Variants in PCNX2 observed in about 807,000 individuals in gnomAD.
PCNX2 encodes pecanex-like protein 2.
PCNX2 carries 168 observed loss-of-function variants against 223.8 expected under a neutral mutation model. The observed-to-expected ratio is 0.75, with a 90% CI of 0.66 to 0.85. The LOEUF (loss-of-function observed/expected upper bound fraction) is 0.85, where lower values mean the gene tolerates loss of function less well. Among genes scored for constraint, PCNX2 ranks in the 40% least tolerant of loss-of-function variants. PCNX2 has a pLI of 0.00. For missense variants in PCNX2, 2,507 were observed against 2,675.5 expected, an observed-to-expected ratio of 0.94 and a Z score of 1.39; for synonymous variants, 1,006 against 1,052.6, an observed-to-expected ratio of 0.96 and a Z score of 0.86.
At chr1:233,117,670 C>A (rs1675495151) in intron 21 of PCNX2, among the ~76,000 whole-genome samples, 1 of 149,880 alleles carries the variant, frequency 6.7e-6, no homozygotes, top group Non-Finnish European at 1.5e-5. Flanking sequence ...ATGATATAGA[C>A]CAAAATTCTT....
At chr1:233,147,884 C>T (rs967482604) in intron 19 of PCNX2, among the ~76,000 whole-genome samples, 12 of 152,218 alleles carry the variant, frequency 7.9e-5, no homozygotes, top group Admixed American at 7.2e-4. Context: ...AGGAGCTCTA[C>T]GTTGGACTTT....
chr1:233,205,873 C>T (rs1277222178), intron 13 of PCNX2, among the ~76,000 whole-genome samples: 1 of 152,118 alleles, frequency 6.6e-6, no homozygotes, highest in African/African-American at 2.4e-5. Flanking sequence ...GTGAGAGGGA[C>T]AGGCATTATT....
intron 13 of PCNX2, among the ~76,000 whole-genome samples, chr1:233,202,611 A>C (rs1681184807): frequency 6.6e-6 from 1 of 152,224 alleles, no homozygotes; most frequent in African/African-American, 2.4e-5. Flanking sequence ...GAGGCCAAGA[A>C]ATGAGCCTTT....
At chr1:233,060,218 A>G (rs1245726874) in intron 23 of PCNX2, among the ~76,000 whole-genome samples, 1 of 152,170 alleles carries the variant, frequency 6.6e-6, no homozygotes, top group African/African-American at 2.4e-5. Context: ...CAACCAACAA[A>G]ATTCTTTTTA....
chr1:233,111,990 A>T (rs889006427), intron 21 of PCNX2, among the ~76,000 whole-genome samples: 6 of 152,162 alleles, frequency 3.9e-5, no homozygotes, highest in African/African-American at 1.4e-4. Flanking sequence ...TGCAATTGCC[A>T]CTGCTTTTTC....
intron 21 of PCNX2, among the ~76,000 whole-genome samples, chr1:233,108,263 T>C (rs1236610538): frequency 2.0e-5 from 3 of 152,284 alleles, no homozygotes; most frequent in Admixed American, 6.5e-5. Context: ...CCAAGAACCC[T>C]CTTTTGGGGT....
At chr1:233,018,479 T>C (rs1405926714) in intron 26 of PCNX2, among the ~76,000 whole-genome samples, 1 of 152,216 alleles carries the variant, frequency 6.6e-6, no homozygotes. Context: ...GAGTCCCACT[T>C]GGGGAAAATG....
chr1:233,081,087 G>A (rs751434134), intron 23 of PCNX2, among the ~76,000 whole-genome samples: 3 of 152,290 alleles, frequency 2.0e-5, no homozygotes, highest in Non-Finnish European at 2.9e-5. Context: ...GGTGGCTCAT[G>A]CCTGTAATTC....
At chr1:233,180,481 C>T (rs1217151972) in intron 15 of PCNX2, among the ~76,000 whole-genome samples, 1 of 152,092 alleles carries the variant, frequency 6.6e-6, no homozygotes, top group Non-Finnish European at 1.5e-5. Context: ...CTTCTGAAAG[C>T]TGAATTTAGT....
In PCNX2 at chr1:233,200,310, T is replaced by A. The variant is rs143768152; in HGVS notation, c.2864-46A>T. 141 of 1,383,354 alleles carry A rather than the reference T, an allele frequency of 1.0e-4. No homozygotes were observed. In the African/African-American group the frequency reaches 1.9e-3, roughly 19 times the overall value. The allele number at this position is 1,383,354 out of a possible 1,614,324, so 85.7% of individuals were successfully genotyped here. A position where few individuals can be genotyped will look rare whatever the true frequency, so the allele number is the denominator to read the frequency against. On this transcript the variant is annotated intron_variant, in intron 13 of 33. Coordinates refer to ENST00000258229, the MANE Select transcript of PCNX2 (RefSeq NM_014801.4). Reference sequence around the variant, plus strand: ...TTGACGATAAGCATGGGGAACTGTGTTGCCAAGGCTCCTGCTGCAGTGCTG... The same window carrying A: ...TTGACGATAAGCATGGGGAACTGTGATGCCAAGGCTCCTGCTGCAGTGCTG...
chr1:233,029,333 C>T (rs1250669707), intron 25 of PCNX2, among the ~76,000 whole-genome samples: 1 of 152,024 alleles, frequency 6.6e-6, no homozygotes, highest in Non-Finnish European at 1.5e-5. Context: ...AATATTTATC[C>T]TCTCATGTTA....
At chr1:233,013,938 C>T (rs1457607647) in intron 28 of PCNX2, among the ~76,000 whole-genome samples, 1 of 151,786 alleles carries the variant, frequency 6.6e-6, no homozygotes, top group African/African-American at 2.4e-5. Context: ...TGTGGGCAGA[C>T]AGAGTTCAGC....
chr1:233,058,638 T>A (rs999711439), intron 23 of PCNX2: 2 of 152,930 alleles, frequency 1.3e-5, no homozygotes, highest in African/African-American at 4.9e-5. Context: ...CACATCTGGC[T>A]CCTGCTTTTT....
At chr1:233,257,873 G>A (rs1024944636) in intron 5 of PCNX2, among the ~76,000 whole-genome samples, 155 bp downstream of exon 5, 3 of 152,206 alleles carry the variant, frequency 2.0e-5, no homozygotes, top group Non-Finnish European at 4.4e-5. Context: ...GCTTAGTATC[G>A]GTACATTCAG....
chr1:233,180,626 A>G (rs1226007407), intron 15 of PCNX2: 1 of 152,196 alleles, frequency 6.6e-6, no homozygotes, highest in Non-Finnish European at 1.5e-5. Flanking sequence ...TAGTCTGGAA[A>G]AGCAAATGAT....
At chr1:233,264,650 G>T (rs922642750) in intron 1 of PCNX2, among the ~76,000 whole-genome samples, 2 of 152,154 alleles carry the variant, frequency 1.3e-5, no homozygotes, top group African/African-American at 4.8e-5. Context: ...CAATAAATAA[G>T]TGACGGAATA....
chr1:233,004,090 C>G (rs953595051), intron 28 of PCNX2, among the ~76,000 whole-genome samples: 6 of 151,092 alleles, frequency 4.0e-5, no homozygotes, highest in African/African-American at 1.5e-4. Flanking sequence ...CACCATGGTA[C>G]GTGTATACCT....
chr1:233,032,470 C>A (rs1357830721), intron 25 of PCNX2, among the ~76,000 whole-genome samples: 1 of 152,124 alleles, frequency 6.6e-6, no homozygotes, highest in Non-Finnish European at 1.5e-5. Context: ...AAGAAATTAG[C>A]AAAACTGGTT....
Position 233,263,586 on chromosome 1 carries a change from G to A in PCNX2, c.154-423C>T, listed in dbSNP as rs371504150. Among the ~76,000 whole-genome samples, 7 of 152,000 alleles carry A rather than the reference G, an allele frequency of 4.6e-5. No homozygotes were observed. In the East Asian group the frequency reaches 9.7e-4, roughly 21 times the overall value. ...TTATCCTGCCTCAGCCTCCCGAGGA[G>A]CTGGGATTACAGGCATTCACCACCA... On this transcript the variant is annotated intron_variant, in intron 1 of 33. Transcript: ENST00000258229.
Sources: allele counts gnomAD v4.1 joint callset (sites outside exome capture counted in the v4.1 genomes callset), GRCh38; gene constraint gnomAD v4.1.1; transcripts MANE v1.5; gene names NCBI Gene and HGNC (gene_info 2026-07-23, HGNC 2026-07-21).